The following CTIF variants were observed in gnomAD, a reference collection of about 807,000 sequenced individuals.
CTIF encodes CBP80/20-dependent translation initiation factor.
A neutral mutation model predicts 66.0 loss-of-function variants in CTIF; 21 were observed. That is an observed-to-expected ratio of 0.32 (90% CI 0.23 to 0.46). The LOEUF is 0.46. Among genes scored for constraint, CTIF ranks in the 20% least tolerant of loss-of-function variants. CTIF has a pLI of 1.00. For missense variants in CTIF, 739 were observed against 812.7 expected (o/e 0.91, Z 1.10); for synonymous variants, 345 against 326.4 (o/e 1.06, Z -0.62).
intron 9 of CTIF, among the ~76,000 whole-genome samples, chr18:48,788,260 T>G (rs1248019156): frequency 6.6e-6 from 1 of 152,206 alleles, no homozygotes; most frequent in Non-Finnish European, 1.5e-5. Flanking sequence ...CAGGGGCCAG[T>G]GCGTCCCAGC....
intron 1 of CTIF, among the ~76,000 whole-genome samples, chr18:48,606,501 AGACTCCAGGG>A (rs1258781437): frequency 6.6e-6 from 1 of 152,250 alleles, no homozygotes; most frequent in Admixed American, 6.5e-5. Flanking sequence ...TGAGCTGTGC[AGACTCCAGGG>A]GCATGAGGCC....
At chr18:48,828,869 C>G (rs895506420) in intron 10 of CTIF, among the ~76,000 whole-genome samples, 3 of 152,238 alleles carry the variant, frequency 2.0e-5, no homozygotes, top group African/African-American at 7.2e-5. Flanking sequence ...CAGCCCCCAG[C>G]CCCGCCTTCG....
chr18:48,634,727 C>T (rs35542571), intron 2 of CTIF, among the ~76,000 whole-genome samples: 17,314 of 152,168 alleles, frequency 0.11, 1,182 homozygotes, highest in African/African-American at 0.19. Context: ...AGGGGTCAGC[C>T]CCTCTGCAGT....
Position 48,571,565 on chromosome 18 carries a change from A to G in CTIF, c.-29+32253A>G, listed in dbSNP as rs112131232. 9.3e-3 allele frequency among the ~76,000 whole-genome samples: 1,416 copies of G among 152,248 alleles called. 17 individuals are homozygous for G. Among genetic ancestry groups the G allele is most frequent in the Middle Eastern group, 0.071 (21 of 294 alleles). On this transcript the variant is annotated intron_variant, in intron 1 of 11. Transcript: ENST00000256413. ...TCAAAGGTGCCATTCTGAAAATGCTATTTTGTACCTTGCTTTTTTCATCTA... is the reference window on the plus strand; with the variant it reads ...TCAAAGGTGCCATTCTGAAAATGCTGTTTTGTACCTTGCTTTTTTCATCTA...
At position 48,820,417 on chromosome 18, in the gene CTIF, A is replaced by G. The variant is rs187599205; in HGVS notation, c.1527+3041A>G. On this transcript the variant is annotated intron_variant, in intron 10 of 11. Transcript: ENST00000256413. Reference sequence around the variant, plus strand: ...AGCCCCCTCCATGCTGGAAAAGCTTAGGCTTTCCCCCTGGGGCCATGTAGA... The same window carrying G: ...AGCCCCCTCCATGCTGGAAAAGCTTGGGCTTTCCCCCTGGGGCCATGTAGA... 1.6e-3 allele frequency among the ~76,000 whole-genome samples: 250 copies of G among 152,256 alleles called. 1 individual carries two copies. Among genetic ancestry groups the G allele is most frequent in the Middle Eastern group, 0.01 (3 of 294 alleles).
intron 1 of CTIF, among the ~76,000 whole-genome samples, chr18:48,609,434 A>G (rs1280066591): frequency 6.6e-6 from 1 of 152,244 alleles, no homozygotes. Flanking sequence ...GACAATTGCA[A>G]CTGATAATTG....
intron 7 of CTIF, among the ~76,000 whole-genome samples, chr18:48,726,455 C>T (rs1476610742): frequency 6.6e-6 from 1 of 152,176 alleles, no homozygotes; most frequent in Non-Finnish European, 1.5e-5. Flanking sequence ...GTCAAACTGT[C>T]AGCCAGGGGT....
intron 5 of CTIF, 100 bp from the exon 6 acceptor site, chr18:48,670,569 C>T: frequency 9.4e-7 from 1 of 1,063,442 alleles, no homozygotes; most frequent in Non-Finnish European, 1.5e-6. Flanking sequence ...GTGGGCAGCA[C>T]CAGGTATCTG....
chr18:48,547,992 T>G (rs1287418988), intron 1 of CTIF, among the ~76,000 whole-genome samples: 1 of 152,118 alleles, frequency 6.6e-6, no homozygotes, highest in Non-Finnish European at 1.5e-5. Flanking sequence ...TGTGTGGAAT[T>G]TATTGAGTGC....
intron 2 of CTIF, among the ~76,000 whole-genome samples, chr18:48,626,663 T>G (rs867991180): frequency 1.7e-4 from 26 of 149,106 alleles, no homozygotes; most frequent in African/African-American, 5.5e-4. Flanking sequence ...TTTGTTTTTT[T>G]TTTTTTTTTG....
intron 10 of CTIF, among the ~76,000 whole-genome samples, chr18:48,844,798 T>A (rs2069032865): frequency 6.6e-6 from 1 of 152,186 alleles, no homozygotes; most frequent in Admixed American, 6.5e-5. Flanking sequence ...AGCACTAATT[T>A]TGTAGCTTTG....
At chr18:48,544,929 T>C (rs372545026) in intron 1 of CTIF, among the ~76,000 whole-genome samples, 11 of 152,170 alleles carry the variant, frequency 7.2e-5, no homozygotes, top group African/African-American at 2.7e-4. Context: ...GCATAAACAG[T>C]TCCATTCAAC....
At chr18:48,832,504 G>A (rs1054682610) in intron 10 of CTIF, among the ~76,000 whole-genome samples, 1 of 152,144 alleles carries the variant, frequency 6.6e-6, no homozygotes, top group African/African-American at 2.4e-5. Flanking sequence ...GGCAGGGGTG[G>A]CCAGTTGCGT....
At chr18:48,817,107 G>C in intron 9 of CTIF, 114 bp from the exon 10 acceptor site, 1 of 1,056,532 alleles carries the variant, frequency 9.5e-7, no homozygotes, top group Non-Finnish European at 1.4e-6. Flanking sequence ...AAAACATGGG[G>C]TTTGCCTGCT....
At chr18:48,832,890 T>A (rs2068723803) in intron 10 of CTIF, among the ~76,000 whole-genome samples, 1 of 152,200 alleles carries the variant, frequency 6.6e-6, no homozygotes, top group Non-Finnish European at 1.5e-5. Flanking sequence ...ACAGCTCCAC[T>A]TTTTGCTGAT....
intron 1 of CTIF, among the ~76,000 whole-genome samples, chr18:48,559,484 G>A (rs945212059): frequency 6.6e-6 from 1 of 152,206 alleles, no homozygotes; most frequent in African/African-American, 2.4e-5. Flanking sequence ...ACTGTAGGCT[G>A]TGTGAAAAAC....
At chr18:48,727,873 C>T (rs1022176109) in intron 7 of CTIF, among the ~76,000 whole-genome samples, 1 of 152,194 alleles carries the variant, frequency 6.6e-6, no homozygotes, top group East Asian at 1.9e-4. Flanking sequence ...TTGATCTTTA[C>T]GCAGAAGTCA....
chr18:48,772,247 A>G lies in CTIF; in HGVS notation c.1371+10558A>G, dbSNP rs910139488. ...ACCTAGCGGGAGGGAGTGGCCACAG[A>G]GGAGGAAGAGGGCAGGACAGCTTTG... On this transcript the variant is annotated intron_variant, in intron 9 of 11. Coordinates refer to ENST00000256413, the MANE Select transcript of CTIF (RefSeq NM_014772.3). Among the ~76,000 whole-genome samples, 15 of 152,220 alleles carry G rather than the reference A, an allele frequency of 9.9e-5. 1 individual carries two copies. Among genetic ancestry groups the G allele is most frequent in the Admixed American group, 8.5e-4 (13 of 15,286 alleles).
intron 10 of CTIF, among the ~76,000 whole-genome samples, chr18:48,853,277 G>A (rs2069250274): frequency 6.6e-6 from 1 of 152,192 alleles, no homozygotes; most frequent in South Asian, 2.1e-4. Context: ...TGAGCTGGGA[G>A]GTAGGTGGGG....
Sources: allele counts gnomAD v4.1 joint callset (sites outside exome capture counted in the v4.1 genomes callset), GRCh38; gene constraint gnomAD v4.1.1; transcripts MANE v1.5; gene names NCBI Gene and HGNC (gene_info 2026-07-23, HGNC 2026-07-21).